Variants in SH3KBP1 observed in about 807,000 individuals in gnomAD.
SH3KBP1 encodes SH3 domain-containing kinase-binding protein 1.
A neutral mutation model predicts 50.1 loss-of-function variants in SH3KBP1; 8 were observed. The observed-to-expected ratio is 0.16, with a 90% CI of 0.09 to 0.29. The LOEUF (loss-of-function observed/expected upper bound fraction) is 0.29, where lower values mean the gene tolerates loss of function less well. Ranked by LOEUF, SH3KBP1 falls within the 10% of genes least tolerant of loss-of-function variation. SH3KBP1 has a pLI of 1.00. For missense variants in SH3KBP1, 377 were observed against 535.2 expected (o/e 0.70, Z 2.92); for synonymous variants, 227 against 218.6 (o/e 1.04, Z -0.34).
chrX:19,665,165 G>C (rs748432213), intron 6 of SH3KBP1, among the ~76,000 whole-genome samples: 33 of 111,895 alleles, frequency 2.9e-4, no homozygotes, highest in Non-Finnish European at 6.2e-4. Context: ...AAAACAAATG[G>C]AGCAAAACAT....
intron 12 of SH3KBP1, among the ~76,000 whole-genome samples, chrX:19,587,096 C>T (rs565788301): frequency 3.6e-5 from 4 of 109,803 alleles, no homozygotes; most frequent in South Asian, 4.0e-4. Context: ...GTGGCACATG[C>T]CTGTAGTCCC....
At chrX:19,831,250 C>A (rs2067871216) in intron 2 of SH3KBP1, among the ~76,000 whole-genome samples, 1 of 109,405 alleles carries the variant, frequency 9.1e-6, no homozygotes, top group South Asian at 3.9e-4. Context: ...AACCCCATCT[C>A]CACTAAAAAT....
At chrX:19,673,065 C>CAAA (rs1174045446) in intron 6 of SH3KBP1, among the ~76,000 whole-genome samples, 1 of 37,303 alleles carries the variant, frequency 2.7e-5, no homozygotes, top group Non-Finnish European at 5.1e-5. Context: ...GATTCTGTCT[C>CAAA]AAAAAAAAAA....
chrX:19,572,412 T>C (rs1158859681), intron 12 of SH3KBP1, among the ~76,000 whole-genome samples: 1 of 86,684 alleles, frequency 1.2e-5, no homozygotes, highest in Admixed American at 1.2e-4. Flanking sequence ...ATATAGTACA[T>C]ACATGTTATA....
At chrX:19,684,573 G>T (rs907513970) in intron 5 of SH3KBP1, among the ~76,000 whole-genome samples, 5 of 112,686 alleles carry the variant, frequency 4.4e-5, no homozygotes, top group African/African-American at 1.3e-4. Context: ...TTTTTGGATG[G>T]CTTCACAAGG....
At chrX:19,618,966 T>TA (rs1381305123) in intron 8 of SH3KBP1, among the ~76,000 whole-genome samples, 1 of 79,213 alleles carries the variant, frequency 1.3e-5, no homozygotes, top group Admixed American at 1.4e-4. Flanking sequence ...GACCCTGTCT[T>TA]AAAAAACGAA....
At position 19,550,094 on chromosome X, in the gene SH3KBP1, A is replaced by G; in HGVS notation, c.1385-11T>C. ...CAAAACCTTCTAAGTCTAAAACAAAAGTAAAACAGTTTTAAGAGCCAAAAT... is the reference window on the plus strand; with the variant it reads ...CAAAACCTTCTAAGTCTAAAACAAAGGTAAAACAGTTTTAAGAGCCAAAAT... On this transcript the variant is annotated splice_polypyrimidine_tract_variant and intron_variant, in intron 13 of 17. Transcript: ENST00000397821. 8.7e-7 allele frequency: 1 copy of G among 1,149,287 alleles called. No individual in the cohort carries two copies. The highest frequency in any genetic ancestry group is 1.2e-6 in the Non-Finnish European group (1 of 840,324). The allele number at this position is 1,149,287 out of a possible 1,213,427, so 94.7% of individuals were successfully genotyped here.
chrX:19,540,159 A>C (rs745621105), intron 16 of SH3KBP1, among the ~76,000 whole-genome samples: 1 of 111,263 alleles, frequency 9.0e-6, no homozygotes, highest in East Asian at 2.8e-4. Flanking sequence ...TGGGTACCTA[A>C]ATGAGTAACC....
intron 2 of SH3KBP1, among the ~76,000 whole-genome samples, chrX:19,828,702 T>G (rs1376968386): frequency 9.0e-6 from 1 of 111,693 alleles, no homozygotes; most frequent in Non-Finnish European, 1.9e-5. Context: ...GAGGATCACT[T>G]GAGCCCAGGA....
At chrX:19,775,442 T>C (rs2065943308) in intron 2 of SH3KBP1, among the ~76,000 whole-genome samples, 1 of 112,393 alleles carries the variant, frequency 8.9e-6, no homozygotes, top group African/African-American at 3.2e-5. Context: ...TTTTCAACTA[T>C]TGATTTAAAC....
chrX:19,630,816 C>T lies in SH3KBP1; in HGVS notation c.897+1048G>A, dbSNP rs2061558721. On this transcript the variant is annotated intron_variant, in intron 8 of 17. Transcript: ENST00000397821. The stretch of plus-strand genomic sequence containing the variant: ...AAACACACAATCTCTAAAGCCATGT[C>T]TTAGAGGTAACCTCTTGATAACAAA... Among the ~76,000 whole-genome samples, 5 of 112,059 alleles carry T rather than the reference C, an allele frequency of 4.5e-5. No individual in the cohort carries two copies. The South Asian group carries it at 1.8e-3, about 41-fold the overall frequency.
intron 1 of SH3KBP1, among the ~76,000 whole-genome samples, chrX:19,836,743 G>T (rs1050375638): frequency 8.9e-5 from 10 of 111,777 alleles, no homozygotes; most frequent in African/African-American, 3.2e-4. Flanking sequence ...ATATGGTTTG[G>T]CTGTGTCCCC....
intron 3 of SH3KBP1, among the ~76,000 whole-genome samples, chrX:19,744,039 A>T (rs2064846990): frequency 8.9e-6 from 1 of 112,127 alleles, no homozygotes; most frequent in Admixed American, 9.4e-5. Context: ...GCAGGCTGTT[A>T]ATAAATCCTG....
At chrX:19,815,693 A>G (rs2067333281) in intron 2 of SH3KBP1, among the ~76,000 whole-genome samples, 1 of 111,671 alleles carries the variant, frequency 9.0e-6, no homozygotes, top group Non-Finnish European at 1.9e-5. Flanking sequence ...GCATCCAGTA[A>G]TCTGCTCTCC....
intron 8 of SH3KBP1, among the ~76,000 whole-genome samples, chrX:19,627,097 T>G (rs775923989): frequency 8.9e-6 from 1 of 112,227 alleles, no homozygotes; most frequent in East Asian, 2.8e-4. Context: ...CAAGGAAGCC[T>G]GTTTGATAAG....
At chrX:19,850,087 G>A (rs1316530827) in intron 1 of SH3KBP1, among the ~76,000 whole-genome samples, 2 of 112,278 alleles carry the variant, frequency 1.8e-5, no homozygotes, top group South Asian at 3.6e-4. Context: ...TGGAAAGGAA[G>A]ATGGGGGTTT....
intron 2 of SH3KBP1, among the ~76,000 whole-genome samples, chrX:19,795,196 C>T (rs2066672500): frequency 9.0e-6 from 1 of 111,433 alleles, no homozygotes; most frequent in Non-Finnish European, 1.9e-5. Flanking sequence ...ATTATGAAAG[C>T]AAAGTTGCTT....
intron 4 of SH3KBP1, among the ~76,000 whole-genome samples, chrX:19,703,696 C>CTCTGTGTGTGTGTG (rs1459116402): frequency 1.6e-5 from 1 of 63,500 alleles, no homozygotes; most frequent in African/African-American, 5.6e-5. Flanking sequence ...AAAAGAGAAA[C>CTCTGTGTGTGTGTG]TGTGTGTGTG....
intron 2 of SH3KBP1, among the ~76,000 whole-genome samples, chrX:19,806,464 C>T (rs1383974346): frequency 1.8e-5 from 2 of 111,323 alleles, no homozygotes; most frequent in Non-Finnish European, 3.8e-5. Context: ...TGCACTGAGC[C>T]GAGTTCGCGC....
Sources: allele counts gnomAD v4.1 joint callset (sites outside exome capture counted in the v4.1 genomes callset), GRCh38; gene constraint gnomAD v4.1.1; transcripts MANE v1.5; gene names NCBI Gene and HGNC (gene_info 2026-07-23, HGNC 2026-07-21).